Variants in CNTRL observed in about 807,000 individuals in gnomAD.
CNTRL encodes centriolin.
CNTRL carries 233 observed loss-of-function variants against 303.7 expected under a neutral mutation model. The observed-to-expected ratio is 0.77, with a 90% CI of 0.69 to 0.86. The LOEUF is 0.86. Among genes scored for constraint, CNTRL ranks in the 40% least tolerant of loss-of-function variants. The probability of loss-of-function intolerance (pLI) is 0.00; values close to 1 mark genes in which losing one functional copy is unlikely to be tolerated. For synonymous variants in CNTRL, 900 were observed against 922.2 expected (o/e 0.98, Z 0.44); for missense variants, 2,524 against 2,650.6 (o/e 0.95, Z 1.05).
chr9:121,171,381 A>C (rs763143755), intron 39 of CNTRL, 27 bp from the exon 40 acceptor site: 1 of 1,613,370 alleles, frequency 6.2e-7, no homozygotes, highest in Non-Finnish European at 8.5e-7. Flanking sequence ...GTTAGATCGC[A>C]GAGTTATTTT....
At chr9:121,116,556 C>T (rs2049986923) in intron 11 of CNTRL, among the ~76,000 whole-genome samples, 1 of 152,120 alleles carries the variant, frequency 6.6e-6, no homozygotes, top group African/African-American at 2.4e-5. Flanking sequence ...CTCTTAGGCT[C>T]AAGCGATCTG....
At chr9:121,129,695 G>A (rs1244490085) in intron 14 of CNTRL, among the ~76,000 whole-genome samples, 2 of 152,140 alleles carry the variant, frequency 1.3e-5, no homozygotes, top group African/African-American at 2.4e-5. Context: ...GTGAGAGAGG[G>A]CATCCCTGTC....
Position 121,144,929 on chromosome 9 carries a change from G to A in CNTRL, c.3138G>A (p.Leu1046=), listed in dbSNP as rs1457995294. 3 of 1,613,444 alleles carry A rather than the reference G, an allele frequency of 1.9e-6. No individual in the cohort carries two copies. The highest frequency in any genetic ancestry group is 3.3e-5 in the Admixed American group (2 of 59,998). ...GAGCAGAAGCTGAGATCGAACTCCTGCAGAATCTCCTCAGGCAGAAGGGGG... is the reference window on the plus strand; with the variant it reads ...GAGCAGAAGCTGAGATCGAACTCCTACAGAATCTCCTCAGGCAGAAGGGGG... The part of the protein sequence containing the change: ...LTRAEAEIEL[L]QNLLRQKGEQ... The change falls in exon 21 of 44, where the codon CTG becomes CTA. Residue 1046 remains leucine, a synonymous_variant. Transcript: ENST00000373855.
rs186271125 is a variant in CNTRL at position 121,145,100 on chromosome 9, G to T, written c.3168+141G>T. On this transcript the variant is annotated intron_variant, in intron 21 of 43. Transcript: ENST00000373855. ...GTACTTTATCCTCTACTGTGTGCCA[G>T]GCTTGGTGCAGTTTCCAAGTAATGC... 1.7e-4 allele frequency: 192 copies of T among 1,146,022 alleles called. 2 individuals carry two copies. The Middle Eastern group carries it at 6.8e-3, about 41-fold the overall frequency. The allele number at this position is 1,146,022 out of a possible 1,614,324, so 71.0% of individuals were successfully genotyped here.
intron 4 of CNTRL, among the ~76,000 whole-genome samples, 185 bp downstream of exon 4, chr9:121,090,590 TACA>T (rs1366966931): frequency 6.6e-6 from 1 of 152,228 alleles, no homozygotes; most frequent in Non-Finnish European, 1.5e-5. Context: ...TCAATATTCT[TACA>T]ACATTGACTC....
At chr9:121,077,887 T>C (rs1346353146) in intron 1 of CNTRL, among the ~76,000 whole-genome samples, 3 of 152,062 alleles carry the variant, frequency 2.0e-5, no homozygotes, top group Non-Finnish European at 4.4e-5. Context: ...GCAAGGTTGC[T>C]GTGAGCCATG....
chr9:121,164,655 G>A (rs768813298), intron 34 of CNTRL, among the ~76,000 whole-genome samples: 3 of 152,124 alleles, frequency 2.0e-5, no homozygotes, highest in Non-Finnish European at 4.4e-5. Flanking sequence ...CTACTCTTTC[G>A]ATTGTCACAG....
At position 121,165,907 on chromosome 9, in the gene CNTRL, C is replaced by T. The variant is rs537478004; in HGVS notation, c.5582-200C>T. On this transcript the variant is annotated intron_variant, in intron 35 of 43. Transcript: ENST00000373855. ...GTTGTGAGATTTTGAACATGAAAAT[C>T]TTTAAAAACCTGAGCTCCAAGCCCA... Among the ~76,000 whole-genome samples the T allele has an allele frequency of 5.3e-5, 8 of 152,270 alleles. No individual in the cohort carries two copies. In the East Asian group the frequency reaches 1.5e-3, roughly 29 times the overall value.
At chr9:121,174,913 C>A in intron 42 of CNTRL, 105 bp from the exon 43 acceptor site, 1 of 976,872 alleles carries the variant, frequency 1.0e-6, no homozygotes, top group South Asian at 1.4e-5. Context: ...GACAGCCATT[C>A]CTACTGTTAG....
intron 12 of CNTRL, among the ~76,000 whole-genome samples, chr9:121,120,259 AT>A (rs960994804): frequency 9.9e-5 from 15 of 152,062 alleles, no homozygotes; most frequent in African/African-American, 3.6e-4. Flanking sequence ...TATCATATAT[AT>A]TTTTTTGTGG....
At chr9:121,132,657 A>G (rs1425490739) in intron 14 of CNTRL, among the ~76,000 whole-genome samples, 2 of 152,182 alleles carry the variant, frequency 1.3e-5, no homozygotes, top group Non-Finnish European at 2.9e-5. Flanking sequence ...GTCATTCTCC[A>G]TCCAGCTTTG....
intron 14 of CNTRL, among the ~76,000 whole-genome samples, chr9:121,128,151 TATATACCCAGTA>T (rs1294035653): frequency 6.6e-6 from 1 of 152,208 alleles, no homozygotes; most frequent in African/African-American, 2.4e-5. Flanking sequence ...ATCCTTTGGG[TATATACCCAGTA>T]ATGGGATCGC....
rs759711834 is a variant in CNTRL, at chr9:121,157,548, A to T, written c.4444A>T (p.Arg1482Trp). The T allele has an allele frequency of 3.1e-6, 5 of 1,614,194 alleles. No homozygotes were observed. The Admixed American group carries it at 8.3e-5, about 27-fold the overall frequency. ...TGAGTCAGATGCTGAGGAATTAGAAAGGAGAGCTCAGGAAACTGCTGTTAA... is the reference window on the plus strand; with the variant it reads ...TGAGTCAGATGCTGAGGAATTAGAATGGAGAGCTCAGGAAACTGCTGTTAA... ...QTESDAEELE[R>W]RAQETAVNLV... is the part of the protein sequence containing the mutation. Residue 1482 changes from arginine to tryptophan, a missense_variant, in exon 28 of 44, where the codon AGG (arginine) becomes TGG (tryptophan). Coordinates refer to ENST00000373855, the MANE Select transcript of CNTRL (RefSeq NM_007018.6).
intron 14 of CNTRL, among the ~76,000 whole-genome samples, chr9:121,129,880 C>T (rs891764276): frequency 4.6e-5 from 7 of 152,154 alleles, no homozygotes; most frequent in Non-Finnish European, 5.9e-5. Context: ...TTTTCTGCAT[C>T]TATTGAGATA....
In CNTRL at chr9:121,099,743, C is replaced by T. The variant is rs148678748; in HGVS notation, c.808+1171C>T. Among the ~76,000 whole-genome samples, 161 of 152,190 alleles carry T rather than the reference C, an allele frequency of 1.1e-3. 3 individuals carry two copies. The East Asian group carries it at 0.025, about 23-fold the overall frequency. On this transcript the variant is annotated intron_variant, in intron 7 of 43. Coordinates refer to ENST00000373855, the MANE Select transcript of CNTRL (RefSeq NM_007018.6). ...CCTGACAGAGCTGAAAACCGTGGCACGAGAACTACGTGACACATGCACAAG... is the reference window on the plus strand; with the variant it reads ...CCTGACAGAGCTGAAAACCGTGGCATGAGAACTACGTGACACATGCACAAG...
intron 12 of CNTRL, chr9:121,122,034 CT>C (rs544964451): frequency 5.6e-5 from 27 of 480,464 alleles, no homozygotes; most frequent in African/African-American, 5.2e-4. Flanking sequence ...TACAATAACT[CT>C]TTTGTGAGCT....
At chr9:121,171,254 G>A in intron 39 of CNTRL, 154 bp from the exon 40 acceptor site, 2 of 764,492 alleles carry the variant, frequency 2.6e-6, no homozygotes, top group East Asian at 5.5e-5. Context: ...TATTTGATCT[G>A]CCCATGAAAG....
intron 14 of CNTRL, among the ~76,000 whole-genome samples, chr9:121,126,397 G>T (rs2050526023): frequency 6.6e-6 from 1 of 152,094 alleles, no homozygotes; most frequent in South Asian, 2.1e-4. Flanking sequence ...ACATTCGTTT[G>T]GAGATTTCCC....
Position 121,157,535 on chromosome 9 carries a change from T to C in CNTRL, c.4431T>C (p.Ala1477=), listed in dbSNP as rs774516009. The change falls in exon 28 of 44, where the codon GCT becomes GCC. Residue 1477 remains alanine, a synonymous_variant. Transcript: ENST00000373855. Reference sequence around the variant, plus strand: ...GTTTATTGCAAACTGAGTCAGATGCTGAGGAATTAGAAAGGAGAGCTCAGG... The same window carrying C: ...GTTTATTGCAAACTGAGTCAGATGCCGAGGAATTAGAAAGGAGAGCTCAGG... ...KRSLLQTESD[A]EELERRAQET... is the part of the protein sequence containing the mutation. 7.4e-6 allele frequency: 12 copies of C among 1,614,016 alleles called. No homozygotes were observed. In the South Asian group the frequency reaches 8.8e-5, roughly 12 times the overall value.
Sources: gnomAD v4.1 joint callset for allele counts (sites outside exome capture counted in the v4.1 genomes callset) on GRCh38, gnomAD v4.1.1 for gene constraint, MANE v1.5 for transcripts, NCBI Gene and HGNC (gene_info 2026-07-23, HGNC 2026-07-21) for gene names.